Variants in NOS1 observed in about 807,000 individuals in gnomAD.
NOS1 encodes NOS type I.
A neutral mutation model predicts 164.5 loss-of-function variants in NOS1; 51 were observed. The ratio of observed to expected loss-of-function variants is 0.31; its 90% CI spans 0.25 to 0.39. The LOEUF (loss-of-function observed/expected upper bound fraction) is 0.39, where lower values mean the gene tolerates loss of function less well. Ranked by LOEUF, NOS1 falls within the 10% of genes least tolerant of loss-of-function variation. The pLI is 1.00. For missense variants in NOS1, 1,362 were observed against 1,885.6 expected (o/e 0.72, Z 5.14); for synonymous variants, 719 against 745.8 (o/e 0.96, Z 0.59).
intron 20 of NOS1, among the ~76,000 whole-genome samples, chr12:117,236,804 G>C (rs1869755041): frequency 1.3e-5 from 2 of 152,204 alleles, no homozygotes; most frequent in South Asian, 4.1e-4. Flanking sequence ...ACCCAAACTT[G>C]CTGAGCTAGC....
rs559377737 is a variant in NOS1, at chr12:117,266,549, T to C, written c.1942-1039A>G. On this transcript the variant is annotated intron_variant, in intron 11 of 28. Coordinates refer to ENST00000317775, the MANE Select transcript of NOS1 (RefSeq NM_000620.5). The stretch of plus-strand genomic sequence containing the variant: ...TTAGGTTTTTTTTTTCTTTTCTTTT[T>C]TTTTTTGAGATAGGGTCTCACTCTG... Among the ~76,000 whole-genome samples the C allele has an allele frequency of 2.3e-3, 352 of 152,100 alleles. 1 individual carries two copies. The highest frequency in any genetic ancestry group is 4.0e-3 in the Non-Finnish European group (271 of 67,962).
intron 1 of NOS1, among the ~76,000 whole-genome samples, chr12:117,333,153 T>C (rs2136077151): frequency 6.6e-6 from 1 of 152,250 alleles, no homozygotes; most frequent in South Asian, 2.1e-4. Flanking sequence ...TAGCCGCCCG[T>C]CCCTACTTGT....
In NOS1 at chr12:117,335,799, G is replaced by T. The variant is rs1348080884; in HGVS notation, c.-420-4310C>A. 3.0e-5 allele frequency among the ~76,000 whole-genome samples: 4 copies of T among 132,884 alleles called. No homozygotes were observed. The East Asian group carries it at 8.7e-4, about 29-fold the overall frequency. The allele number at this position is 132,884 out of a possible 152,430, so 87.2% of individuals were successfully genotyped here. ...GGGTCTTGATATCTTGCCCAGGCTG[G>T]TCTCAAACTCTGTGCCTCAAGTGAT... On this transcript the variant is annotated intron_variant, in intron 1 of 28. Transcript: ENST00000317775.
At chr12:117,245,941 G>C (rs1188064453) in intron 18 of NOS1, 2 of 152,148 alleles carry the variant, frequency 1.3e-5, no homozygotes, top group African/African-American at 2.4e-5. Context: ...AACAAAACAT[G>C]TATATTTTTG....
chr12:117,245,092 C>A (rs756053980), intron 18 of NOS1, among the ~76,000 whole-genome samples: 3 of 152,208 alleles, frequency 2.0e-5, no homozygotes, highest in Non-Finnish European at 1.5e-5. Flanking sequence ...ATCGCCTCCC[C>A]ACCTGGAAAT....
chr12:117,297,707 A>G (rs1873515702), intron 3 of NOS1, among the ~76,000 whole-genome samples: 1 of 152,138 alleles, frequency 6.6e-6, no homozygotes. Flanking sequence ...TGGGCTTTTT[A>G]GCAGACACTA....
At chr12:117,327,098 C>T (rs1449192289) in intron 2 of NOS1, among the ~76,000 whole-genome samples, 1 of 152,186 alleles carries the variant, frequency 6.6e-6, no homozygotes, top group Non-Finnish European at 1.5e-5. Context: ...CCTCCATGCC[C>T]ACCTGATGCC....
At chr12:117,319,549 T>C (rs1874817901) in intron 2 of NOS1, among the ~76,000 whole-genome samples, 1 of 152,206 alleles carries the variant, frequency 6.6e-6, no homozygotes, top group African/African-American at 2.4e-5. Flanking sequence ...TGCTGGAGGA[T>C]GAGAGACCCC....
At chr12:117,294,883 T>C (rs1873312347) in intron 3 of NOS1, among the ~76,000 whole-genome samples, 10 of 152,152 alleles carry the variant, frequency 6.6e-5, no homozygotes, top group Admixed American at 3.9e-4. Flanking sequence ...CTCATGGGCA[T>C]TTTCATAGCC....
intron 1 of NOS1, among the ~76,000 whole-genome samples, chr12:117,337,915 C>CA (rs1283238769): frequency 6.6e-6 from 1 of 151,862 alleles, no homozygotes; most frequent in Non-Finnish European, 1.5e-5. Flanking sequence ...CCCATTTCTA[C>CA]AAAAAACACA....
intron 3 of NOS1, among the ~76,000 whole-genome samples, chr12:117,308,636 G>A (rs556119870): frequency 3.3e-5 from 5 of 149,844 alleles, no homozygotes; most frequent in Non-Finnish European, 7.4e-5. Flanking sequence ...TTGCTCTGTC[G>A]CCCAGGCTGG....
Position 117,234,161 on chromosome 12 carries a change from T to C in NOS1, c.3235+404A>G, listed in dbSNP as rs1434992650. Among the ~76,000 whole-genome samples, 7 of 152,226 alleles carry C rather than the reference T, an allele frequency of 4.6e-5. No homozygotes were observed. In the East Asian group the frequency reaches 1.3e-3, roughly 29 times the overall value. ...TAGTTGGCCATCGAGCTTCCTATAG[T>C]ACCTTTTGATTCTAAGAGGAGGCAG... On this transcript the variant is annotated intron_variant, in intron 21 of 28. Coordinates refer to ENST00000317775, the MANE Select transcript of NOS1 (RefSeq NM_000620.5). The surrounding 1 kb of genome is among the most constrained non-coding windows in gnomAD (Gnocchi z 4.3).
At chr12:117,340,756 G>A (rs1876062225) in intron 1 of NOS1, among the ~76,000 whole-genome samples, 1 of 148,334 alleles carries the variant, frequency 6.7e-6, no homozygotes, top group African/African-American at 2.5e-5. Flanking sequence ...ACGTAATCTT[G>A]CTCTGTTGCC....
intron 1 of NOS1, among the ~76,000 whole-genome samples, chr12:117,360,015 C>G (rs569701094): frequency 4.0e-4 from 58 of 145,994 alleles, no homozygotes; most frequent in Middle Eastern, 3.2e-3. Flanking sequence ...TCATGACAGC[C>G]CCACGAAAAA....
intron 2 of NOS1, among the ~76,000 whole-genome samples, chr12:117,322,010 TTCCC>T (rs1390064468): frequency 4.3e-5 from 2 of 46,862 alleles, no homozygotes; most frequent in African/African-American, 1.7e-4. Flanking sequence ...CTCTCCTTCC[TTCCC>T]TCCCTCTCTC....
At chr12:117,287,877 A>G (rs1405817260) in intron 5 of NOS1, among the ~76,000 whole-genome samples, 197 bp downstream of exon 5, 1 of 152,214 alleles carries the variant, frequency 6.6e-6, no homozygotes, top group Non-Finnish European at 1.5e-5. Flanking sequence ...GAAATCTTTC[A>G]AATTATAAGC....
rs573436474 is a variant in NOS1 at position 117,210,177 on chromosome 12, C to T, written c.*5132G>A. ...TTTTTTTTTAGTAGAGACGAGATTG[C>T]GCTGTGTTGCCCAAGCTGGTCTCAA... On this transcript the variant is annotated 3_prime_UTR_variant, in exon 29 of 29. Coordinates refer to ENST00000317775, the MANE Select transcript of NOS1 (RefSeq NM_000620.5). 2.4e-5 allele frequency: 12 copies of T among 493,094 alleles called. No individual in the cohort carries two copies. The highest frequency in any genetic ancestry group is 1.5e-4 in the East Asian group (1 of 6,566). 30.5% of individuals were successfully genotyped at this position (493,094 alleles called of 1,614,324 possible). A position where few individuals can be genotyped will look rare whatever the true frequency, so the allele number is the denominator to read the frequency against.
intron 7 of NOS1, among the ~76,000 whole-genome samples, chr12:117,282,734 T>C (rs1873777952): frequency 6.6e-6 from 1 of 152,120 alleles, no homozygotes; most frequent in Admixed American, 6.5e-5. Flanking sequence ...GAACACGGAG[T>C]GAGTCAAACA....
Position 117,208,332 on chromosome 12 carries a change from G to C in NOS1, c.*6977C>G. On this transcript the variant is annotated 3_prime_UTR_variant, in exon 29 of 29. Coordinates refer to ENST00000317775, the MANE Select transcript of NOS1 (RefSeq NM_000620.5). ...AAGGTGCTGGAGCACAGGGACACTTGGCAGAGATTAGCAGCATTGAGAGCT... is the reference window on the plus strand; with the variant it reads ...AAGGTGCTGGAGCACAGGGACACTTCGCAGAGATTAGCAGCATTGAGAGCT... The C allele has an allele frequency of 1.6e-6, 2 of 1,288,704 alleles. No individual in the cohort carries two copies. The highest frequency in any genetic ancestry group is 2.0e-6 in the Non-Finnish European group (2 of 988,692). The allele number at this position is 1,288,704 out of a possible 1,614,324, so 79.8% of individuals were successfully genotyped here. A position where few individuals can be genotyped will look rare whatever the true frequency, so the allele number is the denominator to read the frequency against.
Sources: gnomAD v4.1 joint callset for allele counts (sites outside exome capture counted in the v4.1 genomes callset) on GRCh38, gnomAD v4.1.1 for gene constraint, Gnocchi (gnomAD v3.1) non-coding constraint, MANE v1.5 for transcripts, NCBI Gene and HGNC (gene_info 2026-07-23, HGNC 2026-07-21) for gene names.